Variants in FOCAD observed in about 807,000 individuals in gnomAD.
FOCAD encodes the protein KIAA1797.
In FOCAD, 198 loss-of-function variants were observed where a neutral mutation model predicts 225.6. The ratio of observed to expected loss-of-function variants is 0.88; its 90% CI spans 0.78 to 0.99. The LOEUF is 0.99. Among genes scored for constraint, FOCAD ranks in the 50% least tolerant of loss-of-function variants. The pLI, the probability that FOCAD is intolerant of heterozygous loss-of-function variation, is 0.00. For synonymous variants in FOCAD, 897 were observed against 755.0 expected (o/e 1.19, Z -3.08); for missense variants, 2,713 against 2,123.6 (o/e 1.28, Z -5.46).
At chr9:20,662,270 C>T (rs1163674830) in intron 2 of FOCAD, among the ~76,000 whole-genome samples, 1 of 152,082 alleles carries the variant, frequency 6.6e-6, no homozygotes, top group Non-Finnish European at 1.5e-5. Flanking sequence ...CAGTCCAGAT[C>T]CCATTACAAG....
chr9:20,764,686 A>C (rs1829905954), intron 6 of FOCAD, among the ~76,000 whole-genome samples, 183 bp from the exon 7 acceptor site: 1 of 152,234 alleles, frequency 6.6e-6, no homozygotes. Flanking sequence ...TCCTCAGTGT[A>C]CAAAGAACTG....
chr9:20,986,478 T>G lies in FOCAD; in HGVS notation c.4906+13T>G, dbSNP rs541773076. 21 of 1,580,908 alleles carry G rather than the reference T, an allele frequency of 1.3e-5. No individual in the cohort carries two copies. The African/African-American group carries it at 2.2e-4, about 16-fold the overall frequency. On this transcript the variant is annotated intron_variant, in intron 40 of 43. Transcript: ENST00000338382. Reference sequence around the variant, plus strand: ...CATGCCAATACGGGTGAGGACACCCTGGGGTGAACATCAGAAACAGGAATA... The same window carrying G: ...CATGCCAATACGGGTGAGGACACCCGGGGGTGAACATCAGAAACAGGAATA...
intron 3 of FOCAD, among the ~76,000 whole-genome samples, chr9:20,719,025 A>G (rs1157678953): frequency 2.0e-5 from 3 of 152,216 alleles, no homozygotes; most frequent in African/African-American, 7.2e-5. Context: ...GGATGCTAAG[A>G]TAGAAAAGAT....
At chr9:20,882,140 T>C in intron 20 of FOCAD, 84 bp downstream of exon 20, 1 of 1,183,332 alleles carries the variant, frequency 8.5e-7, no homozygotes, top group East Asian at 2.4e-5. Flanking sequence ...TAATGGGCCA[T>C]GGCAGGGTGT....
At chr9:20,712,479 G>A (rs1288927545) in intron 1 of FOCAD, among the ~76,000 whole-genome samples, 1 of 151,758 alleles carries the variant, frequency 6.6e-6, no homozygotes, top group Non-Finnish European at 1.5e-5. Flanking sequence ...GGCCAACATG[G>A]TGAAACCTGT....
At chr9:20,695,016 C>G (rs1823243138) in intron 1 of FOCAD, among the ~76,000 whole-genome samples, 1 of 152,034 alleles carries the variant, frequency 6.6e-6, no homozygotes, top group Non-Finnish European at 1.5e-5. Flanking sequence ...TCCTTTTTTC[C>G]CATGTCATTG....
At chr9:20,722,914 T>C (rs1825898950) in intron 4 of FOCAD, among the ~76,000 whole-genome samples, 1 of 152,226 alleles carries the variant, frequency 6.6e-6, no homozygotes, top group South Asian at 2.1e-4. Context: ...ATTGTGTAGT[T>C]GTACTATTTA....
intron 39 of FOCAD, among the ~76,000 whole-genome samples, chr9:20,982,867 T>C (rs1840824689): frequency 6.6e-6 from 1 of 152,208 alleles, no homozygotes; most frequent in African/African-American, 2.4e-5. Flanking sequence ...ATGCAAGATA[T>C]TTTGTTAAAT....
chr9:20,990,001 G>A, intron 41 of FOCAD, 122 bp from the exon 42 acceptor site: 1 of 1,106,754 alleles, frequency 9.0e-7, no homozygotes, highest in East Asian at 2.4e-5. Context: ...GGTAGGGCAG[G>A]AGGGACTGGT....
At chr9:20,783,492 G>A (rs991511099) in intron 10 of FOCAD, among the ~76,000 whole-genome samples, 2 of 151,910 alleles carry the variant, frequency 1.3e-5, no homozygotes, top group Admixed American at 1.3e-4. Context: ...TGCACAGAAT[G>A]CTGTTTTATG....
chr9:20,752,279 T>C (rs1002405333), intron 5 of FOCAD, among the ~76,000 whole-genome samples: 3 of 151,334 alleles, frequency 2.0e-5, no homozygotes, highest in Admixed American at 6.6e-5. Flanking sequence ...TTCTAGGGTT[T>C]TTATGGTTTT....
At chr9:20,690,092 G>A (rs1822885839) in intron 1 of FOCAD, among the ~76,000 whole-genome samples, 1 of 152,192 alleles carries the variant, frequency 6.6e-6, no homozygotes, top group South Asian at 2.1e-4. Flanking sequence ...CAGAGGTATA[G>A]GAAATGCCTT....
At chr9:20,915,271 G>A (rs1357107115) in intron 23 of FOCAD, among the ~76,000 whole-genome samples, 1 of 152,076 alleles carries the variant, frequency 6.6e-6, no homozygotes, top group African/African-American at 2.4e-5. Flanking sequence ...CTTAGGGAGT[G>A]AATAAAGAAA....
At chr9:20,672,746 C>T (rs538132883) in intron 2 of FOCAD, among the ~76,000 whole-genome samples, 15 of 152,210 alleles carry the variant, frequency 9.9e-5, no homozygotes, top group East Asian at 3.9e-4. Context: ...CCACTGCGCC[C>T]GGCCAAAAAT....
intron 1 of FOCAD, among the ~76,000 whole-genome samples, chr9:20,703,172 T>C (rs1824104350): frequency 6.6e-6 from 1 of 151,104 alleles, no homozygotes; most frequent in South Asian, 2.1e-4. Flanking sequence ...AGGGGACTAT[T>C]TGAGGCTATG....
chr9:20,919,171 C>T (rs1205732365), intron 24 of FOCAD, among the ~76,000 whole-genome samples: 1 of 152,150 alleles, frequency 6.6e-6, no homozygotes. Flanking sequence ...ACACCAATAA[C>T]AGACAAACAG....
At chr9:20,741,292 G>GT (rs1231220707) in intron 5 of FOCAD, among the ~76,000 whole-genome samples, 1 of 152,086 alleles carries the variant, frequency 6.6e-6, no homozygotes, top group Non-Finnish European at 1.5e-5. Flanking sequence ...ATACAGAGGG[G>GT]TGTCTATCAC....
chr9:20,693,960 C>G (rs550406667), intron 1 of FOCAD, among the ~76,000 whole-genome samples: 1 of 152,332 alleles, frequency 6.6e-6, no homozygotes, highest in East Asian at 1.9e-4. Context: ...ATCTTCCTGC[C>G]TTGGCCTCTC....
intron 4 of FOCAD, among the ~76,000 whole-genome samples, chr9:20,728,232 A>C (rs1042066096): frequency 5.3e-5 from 8 of 152,104 alleles, no homozygotes; most frequent in African/African-American, 1.7e-4. Flanking sequence ...AATGCTTGGG[A>C]CCAGAAGTGT....
Sources: gnomAD v4.1 joint callset for allele counts (sites outside exome capture counted in the v4.1 genomes callset) on GRCh38, gnomAD v4.1.1 for gene constraint, MANE v1.5 for transcripts, NCBI Gene and HGNC (gene_info 2026-07-23, HGNC 2026-07-21) for gene names.